TTC28: variants seen among roughly 807,000 people sequenced by gnomAD.
The protein encoded by TTC28 is tetratricopeptide repeat protein 28.
TTC28 carries 61 observed loss-of-function variants against 198.0 expected under a neutral mutation model. The observed-to-expected ratio is 0.31, with a 90% CI of 0.25 to 0.38. The LOEUF (loss-of-function observed/expected upper bound fraction) is 0.38. Among genes scored for constraint, TTC28 ranks in the 10% least tolerant of loss-of-function variants. TTC28 has a pLI of 1.00. For synonymous variants in TTC28, 1,171 were observed against 1,297.8 expected, an observed-to-expected ratio of 0.90 and a Z score of 2.10; for missense variants, 2,678 against 3,164.0, an observed-to-expected ratio of 0.85 and a Z score of 3.69.
At chr22:28,538,618 G>A (rs2049348247) in intron 2 of TTC28, among the ~76,000 whole-genome samples, 1 of 144,572 alleles carries the variant, frequency 6.9e-6, no homozygotes, top group South Asian at 2.2e-4. Context: ...GAAGTGCAGT[G>A]GCACAATCTC....
At chr22:28,558,110 G>C (rs536310532) in intron 2 of TTC28, among the ~76,000 whole-genome samples, 1 of 152,228 alleles carries the variant, frequency 6.6e-6, no homozygotes, top group East Asian at 1.9e-4. Context: ...TTCGTCAGTG[G>C]TTTGTTGTGA....
intron 5 of TTC28, among the ~76,000 whole-genome samples, chr22:28,183,163 G>C (rs903414879): frequency 1.3e-5 from 2 of 151,684 alleles, no homozygotes; most frequent in Admixed American, 6.6e-5. Context: ...GGTTCAAGTG[G>C]TTCCCCCCAC....
At chr22:28,427,081 G>T (rs2047361158) in intron 2 of TTC28, among the ~76,000 whole-genome samples, 1 of 152,170 alleles carries the variant, frequency 6.6e-6, no homozygotes, top group Non-Finnish European at 1.5e-5. Flanking sequence ...AGGAAAAACA[G>T]TAATGTTCTA....
chr22:28,238,594 G>T (rs957993605), intron 5 of TTC28, among the ~76,000 whole-genome samples: 1 of 152,164 alleles, frequency 6.6e-6, no homozygotes, highest in African/African-American at 2.4e-5. Context: ...TTTTAAGGAT[G>T]AGTTGAGCAT....
intron 12 of TTC28, among the ~76,000 whole-genome samples, chr22:28,042,723 A>T (rs1207801350): frequency 1.5e-5 from 2 of 130,442 alleles, no homozygotes; most frequent in Middle Eastern, 7.7e-3. Flanking sequence ...AACTTAAATT[A>T]AAAAAAAAAA....
intron 8 of TTC28, among the ~76,000 whole-genome samples, chr22:28,102,299 GA>G (rs1229529106): frequency 6.6e-6 from 1 of 152,188 alleles, no homozygotes; most frequent in Non-Finnish European, 1.5e-5. Flanking sequence ...TTCAGTCTAA[GA>G]TTTTGATGTG....
intron 13 of TTC28, among the ~76,000 whole-genome samples, chr22:28,014,740 G>C (rs560709304): frequency 6.6e-6 from 1 of 152,166 alleles, no homozygotes; most frequent in Non-Finnish European, 1.5e-5. Flanking sequence ...AGGAATCAGC[G>C]ACAGCCACCA....
In TTC28 at chr22:28,108,025, C is replaced by T. The variant is rs775445780; in HGVS notation, c.1820G>A (p.Arg607Gln). The T allele has an allele frequency of 2.3e-4, 359 of 1,551,472 alleles. No homozygotes were observed. Among genetic ancestry groups the T allele is most frequent in the Non-Finnish European group, 3.0e-4 (341 of 1,146,984 alleles). Residue 607 changes from arginine to glutamine, a missense_variant, in exon 7 of 23, where the codon CGG becomes CAG. Transcript: ENST00000397906. The stretch of plus-strand genomic sequence containing the variant: ...GGGGGCAGCCTGGACATACTCTCCC[C>T]GAGAGCAGTGGAAATTGCCCAGGTT... ...LSNLGNFHCS[R>Q]GEYVQAAPYY...
chr22:28,328,756 A>AAATAATAATAAT (rs199948599), intron 2 of TTC28, among the ~76,000 whole-genome samples: 1 of 134,398 alleles, frequency 7.4e-6, no homozygotes, highest in African/African-American at 2.8e-5. Context: ...TCTGTCTCAA[A>AAATAATAATAAT]AATAATAATA....
At chr22:28,283,965 C>A (rs1359801144) in intron 5 of TTC28, among the ~76,000 whole-genome samples, 1 of 152,172 alleles carries the variant, frequency 6.6e-6, no homozygotes, top group Non-Finnish European at 1.5e-5. Flanking sequence ...TATATGACAA[C>A]TTCTCCAGCT....
At chr22:28,356,124 T>C (rs1439681723) in intron 2 of TTC28, among the ~76,000 whole-genome samples, 2 of 152,350 alleles carry the variant, frequency 1.3e-5, no homozygotes, top group East Asian at 3.9e-4. Context: ...TTCATCATAT[T>C]AACACATAAA....
chr22:28,150,234 A>G (rs981999025), intron 6 of TTC28, among the ~76,000 whole-genome samples: 3 of 152,214 alleles, frequency 2.0e-5, no homozygotes, highest in African/African-American at 7.2e-5. Flanking sequence ...GAAGCAGAAC[A>G]TTACCAGAGC....
At chr22:28,388,361 G>T (rs1398783529) in intron 2 of TTC28, among the ~76,000 whole-genome samples, 1 of 152,184 alleles carries the variant, frequency 6.6e-6, no homozygotes, top group Non-Finnish European at 1.5e-5. Context: ...CTTTAAAGTA[G>T]TTTTTTCCAA....
At chr22:28,374,530 G>A (rs1473788512) in intron 2 of TTC28, among the ~76,000 whole-genome samples, 1 of 152,120 alleles carries the variant, frequency 6.6e-6, no homozygotes, top group African/African-American at 2.4e-5. Context: ...TTAAACAGGA[G>A]TTCCCAAATC....
At chr22:28,012,385 C>G (rs1938196974) in intron 14 of TTC28, among the ~76,000 whole-genome samples, 1 of 152,132 alleles carries the variant, frequency 6.6e-6, no homozygotes, top group South Asian at 2.1e-4. Flanking sequence ...CCGGGAGGCC[C>G]AGGAGCACAG....
At chr22:28,510,362 A>C (rs1230818650) in intron 2 of TTC28, among the ~76,000 whole-genome samples, 2 of 152,242 alleles carry the variant, frequency 1.3e-5, no homozygotes, top group Non-Finnish European at 2.9e-5. Context: ...GGTTGGTTCA[A>C]CATACACAAA....
intron 2 of TTC28, among the ~76,000 whole-genome samples, chr22:28,500,181 C>A (rs1262230675): frequency 6.6e-6 from 1 of 152,108 alleles, no homozygotes; most frequent in Non-Finnish European, 1.5e-5. Flanking sequence ...AGCAGTTATT[C>A]ACCACTTCCT....
chr22:28,537,971 GA>G (rs924902172), intron 2 of TTC28, among the ~76,000 whole-genome samples: 2 of 147,930 alleles, frequency 1.4e-5, no homozygotes, highest in African/African-American at 2.5e-5. Context: ...TCTCTTAAAA[GA>G]AAAAAAAAGA....
intron 12 of TTC28, among the ~76,000 whole-genome samples, chr22:28,081,037 G>T (rs1185410270): frequency 6.7e-6 from 1 of 150,044 alleles, no homozygotes; most frequent in Non-Finnish European, 1.5e-5. Context: ...CTATTTCATT[G>T]GTTTATATGT....
Sources: gnomAD v4.1 joint callset for allele counts (sites outside exome capture counted in the v4.1 genomes callset) on GRCh38, gnomAD v4.1.1 for gene constraint, MANE v1.5 for transcripts, NCBI Gene and HGNC (gene_info 2026-07-23, HGNC 2026-07-21) for gene names.